The following RPL6 variants were observed in gnomAD, a reference collection of about 807,000 sequenced individuals.
RPL6 encodes the protein large ribosomal subunit protein eL6.
Under a neutral mutation model 32.1 loss-of-function variants are expected in RPL6, and 1 was observed. The observed-to-expected ratio is 0.03, with a 90% CI of 0.01 to 0.15. RPL6 has a LOEUF of 0.15. Among genes scored for constraint, RPL6 ranks in the 10% least tolerant of loss-of-function variants. The probability of loss-of-function intolerance (pLI) is 1.00; values close to 1 mark genes in which losing one functional copy is unlikely to be tolerated. For missense variants in RPL6, 275 were observed against 354.6 expected (o/e 0.78, Z 1.80); for synonymous variants, 126 against 131.6 (o/e 0.96, Z 0.29).
chr12:112,417,146 C>A (rs1409335398), intron 1 of RPL6, among the ~76,000 whole-genome samples: 1 of 152,172 alleles, frequency 6.6e-6, no homozygotes, highest in East Asian at 1.9e-4. Context: ...CAACCTCTGC[C>A]TGTCCGGTTC....
Position 112,408,317 on chromosome 12 carries a change from TCTC to T in RPL6, c.256_258del (p.Glu86del), listed in dbSNP as rs756314154. ...GGTTTTGTAACAGTTGCGAGAACCTTCTCCTTCTTTTTCTTTTCAACCTACAAG... is the reference window on the plus strand; with the variant it reads ...GGTTTTGTAACAGTTGCGAGAACCTTCTTCTTTTTCTTTTCAACCTACAAG... On this transcript the variant is annotated inframe_deletion, in exon 3 of 7. Transcript: ENST00000202773. 22 of 1,614,018 alleles carry T rather than the reference TCTC, an allele frequency of 1.4e-5. No homozygotes were observed. Among genetic ancestry groups the T allele is most frequent in the South Asian group, 1.1e-4 (10 of 91,082 alleles).
intron 3 of RPL6, 197 bp from the exon 4 acceptor site, chr12:112,407,087 G>A: frequency 1.9e-6 from 1 of 537,864 alleles, no homozygotes; most frequent in South Asian, 2.9e-5. Flanking sequence ...CAAAAAAGGA[G>A]ACACCATTTA....
intron 6 of RPL6, 165 bp downstream of exon 6, chr12:112,405,688 C>T: frequency 3.0e-6 from 2 of 667,498 alleles, no homozygotes; most frequent in Non-Finnish European, 5.0e-6. Flanking sequence ...AGCTCCCAGA[C>T]TGCCAAAAGA....
intron 3 of RPL6, chr12:112,407,294 T>C (rs1453693776): frequency 6.2e-6 from 1 of 161,466 alleles, no homozygotes; most frequent in Non-Finnish European, 1.4e-5. Context: ...CAACAAGTCT[T>C]ACTCCCACTT....
rs756225682 is a variant in RPL6, at chr12:112,405,917, A to C, written c.650T>G (p.Phe217Cys). ...GGGCTTCCGCAGCTTCTTCTTCTTG[A>C]AGTAAGCATCAGTAAGATGTTTTGG... ...KIPKHLTDAY[F>C]KKKKLRKPRH... Residue 217 changes from phenylalanine to cysteine, a missense_variant, in exon 6 of 7, where the codon TTC becomes TGC. By Grantham distance (205) the Phe-to-Cys change is radical. Coordinates refer to ENST00000202773, the MANE Select transcript of RPL6 (RefSeq NM_000970.6). The C allele has an allele frequency of 5.0e-6, 8 of 1,614,058 alleles. No individual in the cohort carries two copies. In the Admixed American group the frequency reaches 1.3e-4, roughly 27 times the overall value.
upstream of RPL6, chr12:112,409,659 C>G: frequency 2.5e-6 from 1 of 396,006 alleles, no homozygotes; most frequent in Non-Finnish European, 4.4e-6. Context: ...GCGAGTCTCA[C>G]TTCCTTCCGG....
At chr12:112,408,168 T>C in intron 3 of RPL6, 72 bp downstream of exon 3, 1 of 1,130,650 alleles carries the variant, frequency 8.8e-7, no homozygotes, top group Non-Finnish European at 1.3e-6. Context: ...TTACAGTATC[T>C]AAGTATTCAA....
chr12:112,412,566 C>T (rs888567948), upstream of RPL6, among the ~76,000 whole-genome samples: 4 of 151,940 alleles, frequency 2.6e-5, no homozygotes, highest in African/African-American at 9.7e-5. Flanking sequence ...CCTTGACCTC[C>T]TGGGTTCAAG....
At chr12:112,416,695 T>A (rs746119166) in intron 1 of RPL6, among the ~76,000 whole-genome samples, 30 of 152,330 alleles carry the variant, frequency 2.0e-4, no homozygotes, top group Non-Finnish European at 3.7e-4. Flanking sequence ...ATTACAGGCA[T>A]GAGCTACCGC....
At chr12:112,408,018 C>T in intron 3 of RPL6, 1 of 546,102 alleles carries the variant, frequency 1.8e-6, no homozygotes, top group Non-Finnish European at 3.2e-6. Context: ...CCACACTCAG[C>T]CTCATTCCCA....
At chr12:112,409,726 C>G, upstream of RPL6, 1 of 366,980 alleles carries the variant, frequency 2.7e-6, no homozygotes, top group East Asian at 4.0e-5. Context: ...GTAGTAAATC[C>G]TAGGCCGGGT....
At chr12:112,406,941 T>C in intron 3 of RPL6, 51 bp from the exon 4 acceptor site, 1 of 1,599,200 alleles carries the variant, frequency 6.3e-7, no homozygotes, top group Non-Finnish European at 8.5e-7. Flanking sequence ...TTCAGATTAC[T>C]AGAAGCAAGC....
upstream of RPL6, among the ~76,000 whole-genome samples, chr12:112,410,101 C>G (rs995275946): frequency 6.6e-6 from 1 of 151,548 alleles, no homozygotes; most frequent in Non-Finnish European, 1.5e-5. Flanking sequence ...GCACTCCAGC[C>G]TGGGAAATAG....
Position 112,409,585 on chromosome 12 carries a change from A to G in RPL6, c.-1+2T>C. ...TCTTGCAGACAGGCCCGCGATTCTT[A>G]CCTTGCAAGATGGGAAAGAGAATTA... is the stretch of plus-strand genomic sequence containing the variant. On this transcript the variant is annotated splice_donor_variant, in intron 1 of 6. Coordinates refer to ENST00000202773, the MANE Select transcript of RPL6 (RefSeq NM_000970.6). LOFTEE classifies it low-confidence loss of function (5UTR_SPLICE). The G allele has an allele frequency of 2.5e-6, 1 of 398,508 alleles. No homozygotes were observed. The highest frequency in any genetic ancestry group is 4.4e-5 in the Admixed American group (1 of 22,732). The allele number at this position is 398,508 out of a possible 1,614,324, so 24.7% of individuals were successfully genotyped here.
At chr12:112,408,925 C>G in intron 1 of RPL6, 1 of 431,202 alleles carries the variant, frequency 2.3e-6, no homozygotes, top group East Asian at 3.7e-5. Context: ...AAATACTGAG[C>G]GGTCAGAAGT....
upstream of RPL6, among the ~76,000 whole-genome samples, chr12:112,414,860 A>C (rs763467227): frequency 6.6e-6 from 1 of 151,942 alleles, no homozygotes; most frequent in Non-Finnish European, 1.5e-5. Context: ...AGTCGAGATC[A>C]CGCCACTGCA....
chr12:112,406,029 C>T lies in RPL6; in HGVS notation c.538G>A (p.Val180Ile). The T allele has an allele frequency of 4.3e-6, 7 of 1,610,718 alleles. No individual in the cohort carries two copies. Among genetic ancestry groups the T allele is most frequent in the Non-Finnish European group, 5.1e-6 (6 of 1,178,606 alleles). Residue 180 changes from valine to isoleucine, a missense_variant, in exon 6 of 7, where the codon GTC becomes ATC. Transcript: ENST00000202773. The part of the protein sequence containing the change: ...SGLLLVTGPL[V>I]LNRVPLRRTH... Reference sequence around the variant, plus strand: ...CTTCGTAGAGGAACTCGATTGAGGACCAGAGGTCCTAAGGGGGAAAAATTA... The same window carrying T: ...CTTCGTAGAGGAACTCGATTGAGGATCAGAGGTCCTAAGGGGGAAAAATTA...
chr12:112,406,444 A>G, intron 4 of RPL6, 102 bp from the exon 5 acceptor site: 1 of 1,021,268 alleles, frequency 9.8e-7, no homozygotes, highest in South Asian at 1.4e-5. Flanking sequence ...AAATTTCTAC[A>G]TGTATATGTA....
chr12:112,418,508 T>G, intron 1 of RPL6: 1 of 206,434 alleles, frequency 4.8e-6, no homozygotes, highest in Non-Finnish European at 9.9e-6. Context: ...CCTCCCAAAG[T>G]GTTGGGATTA....
Sources: gnomAD v4.1 joint callset for allele counts (sites outside exome capture counted in the v4.1 genomes callset) on GRCh38, gnomAD v4.1.1 for gene constraint, MANE v1.5 for transcripts, NCBI Gene and HGNC (gene_info 2026-07-23, HGNC 2026-07-21) for gene names.